Variants in XPNPEP2 observed in about 807,000 individuals in gnomAD.
XPNPEP2 encodes the protein X-prolyl aminopeptidase 2.
XPNPEP2 carries 64 observed loss-of-function variants against 59.8 expected under a neutral mutation model. The ratio of observed to expected loss-of-function variants is 1.07; its 90% CI spans 0.87 to 1.32. XPNPEP2 has a LOEUF of 1.32. Among genes scored for constraint, XPNPEP2 ranks in the 40% most tolerant of loss-of-function variants. The pLI, the probability that XPNPEP2 is intolerant of heterozygous loss-of-function variation, is 0.00. For missense variants in XPNPEP2, 575 were observed against 546.8 expected, an observed-to-expected ratio of 1.05 and a Z score of -0.51; for synonymous variants, 235 against 210.0, an observed-to-expected ratio of 1.12 and a Z score of -1.03.
chrX:129,746,529 C>A, intron 5 of XPNPEP2, 66 bp from the exon 6 acceptor site: 1 of 1,086,916 alleles, frequency 9.2e-7, no homozygotes, highest in Non-Finnish European at 1.3e-6. Context: ...AGACAGAACC[C>A]CTGGCTGGAG....
Position 129,739,066 on chromosome X carries a change from C to A in XPNPEP2, c.-148C>A. 1.7e-6 allele frequency: 1 copy of A among 576,728 alleles called. No homozygotes were observed. The highest frequency in any genetic ancestry group is 2.8e-6 in the Non-Finnish European group (1 of 357,003). 47.5% of individuals were successfully genotyped at this position (576,728 alleles called of 1,213,427 possible). ...CAAAAGACCAGAGAAGCACTCTCCA[C>A]CCAGCAGCCAGACGCCTCCTTCTTG... is the stretch of plus-strand genomic sequence containing the variant. On this transcript the variant is annotated 5_prime_UTR_variant, in exon 1 of 21. Transcript: ENST00000371106.
intron 15 of XPNPEP2, 82 bp from the exon 16 acceptor site, chrX:129,760,430 C>T (rs767446901): frequency 5.3e-5 from 55 of 1,030,471 alleles, no homozygotes; most frequent in South Asian, 2.7e-4. Context: ...GGCCCTGCAC[C>T]GTGTATCCAT....
chrX:129,768,528 C>A lies in XPNPEP2; in HGVS notation c.*43C>A. ...GTTAACCCTCCATCTAGATGGGGGG[C>A]TCCCTTGCTTAGCTCCCCTCACCCT... is the stretch of plus-strand genomic sequence containing the variant. On this transcript the variant is annotated 3_prime_UTR_variant, in exon 21 of 21. Coordinates refer to ENST00000371106, the MANE Select transcript of XPNPEP2 (RefSeq NM_003399.6). 9.4e-7 allele frequency: 1 copy of A among 1,068,613 alleles called. No homozygotes were observed. Among genetic ancestry groups the A allele is most frequent in the Admixed American group, 3.2e-5 (1 of 31,039 alleles). The allele number at this position is 1,068,613 out of a possible 1,213,427, so 88.1% of individuals were successfully genotyped here. A position where few individuals can be genotyped will look rare whatever the true frequency, so the allele number is the denominator to read the frequency against.
chrX:129,746,003 A>T (rs1376696179), intron 4 of XPNPEP2, among the ~76,000 whole-genome samples: 2 of 111,281 alleles, frequency 1.8e-5, no homozygotes, highest in Non-Finnish European at 3.8e-5. Flanking sequence ...CTGAAAGTCC[A>T]CAAGCAGCCC....
chrX:129,767,439 C>T (rs1926770646), intron 19 of XPNPEP2, among the ~76,000 whole-genome samples, 164 bp from the exon 20 acceptor site: 1 of 111,271 alleles, frequency 9.0e-6, no homozygotes, highest in African/African-American at 3.3e-5. Context: ...GGGGGCTGGC[C>T]AAGAGAAGGG....
intron 1 of XPNPEP2, 52 bp downstream of exon 1, chrX:129,739,314 A>C (rs1926130506): frequency 8.7e-7 from 1 of 1,154,992 alleles, no homozygotes; most frequent in South Asian, 1.8e-5. Context: ...CTCCCCTCTG[A>C]GCTCAGAAAG....
At chrX:129,741,508 G>C (rs868422520) in intron 1 of XPNPEP2, among the ~76,000 whole-genome samples, 1 of 112,099 alleles carries the variant, frequency 8.9e-6, no homozygotes. Context: ...GAATTGCTGC[G>C]TTCAGTATCT....
At chrX:129,763,963 G>A (rs187437080) in intron 19 of XPNPEP2, among the ~76,000 whole-genome samples, 24 of 110,237 alleles carry the variant, frequency 2.2e-4, no homozygotes, top group African/African-American at 7.6e-4. Context: ...AATTCCAGAT[G>A]GACCAAAGTT....
At chrX:129,765,904 C>T (rs890281942) in intron 19 of XPNPEP2, among the ~76,000 whole-genome samples, 5 of 111,839 alleles carry the variant, frequency 4.5e-5, no homozygotes, top group African/African-American at 1.6e-4. Flanking sequence ...TCCCAAAGTT[C>T]TGGATTACAG....
At chrX:129,755,252 A>G (rs780628316) in intron 12 of XPNPEP2, 42 bp from the exon 13 acceptor site, 1 of 1,161,019 alleles carries the variant, frequency 8.6e-7, no homozygotes, top group South Asian at 1.8e-5. Flanking sequence ...AGCCTAGTCC[A>G]GGGGCCCATT....
At position 129,742,172 on chromosome X, in the gene XPNPEP2, C is replaced by T; in HGVS notation, c.114C>T (p.Thr38=). The change falls in exon 2 of 21, where the codon ACC becomes ACT. Residue 38 remains threonine, a synonymous_variant. Coordinates refer to ENST00000371106, the MANE Select transcript of XPNPEP2 (RefSeq NM_003399.6). The stretch of plus-strand genomic sequence containing the variant: ...GGCAGGATGTGAGAAACTGTTCCAC[C>T]AACCCCCCTGTGAGTGCCCCCTGCC... ...LGGQDVRNCS[T]NPPYLPVTVV... The T allele has an allele frequency of 2.5e-6, 3 of 1,199,314 alleles. No individual in the cohort carries two copies. Among genetic ancestry groups the T allele is most frequent in the Non-Finnish European group, 3.4e-6 (3 of 888,598 alleles).
At chrX:129,744,876 G>C (rs994497723) in intron 3 of XPNPEP2, among the ~76,000 whole-genome samples, 1 of 112,279 alleles carries the variant, frequency 8.9e-6, no homozygotes, top group African/African-American at 3.2e-5. Context: ...CGAGCCAAAA[G>C]ACAGGACCCT....
In XPNPEP2 at chrX:129,747,590, C is replaced by T; in HGVS notation, c.491-17C>T. The stretch of plus-strand genomic sequence containing the variant: ...GTAAATGGGCAAGGGACAAGTGACT[C>T]CTTCTTGTCTCTGCAGACACCTGGG... On this transcript the variant is annotated splice_polypyrimidine_tract_variant and intron_variant, in intron 6 of 20. Transcript: ENST00000371106. 8.3e-7 allele frequency: 1 copy of T among 1,208,957 alleles called. No individual in the cohort carries two copies. Among genetic ancestry groups the T allele is most frequent in the Non-Finnish European group, 1.1e-6 (1 of 893,482 alleles).
At chrX:129,750,442 C>CT in intron 7 of XPNPEP2, 26 bp from the exon 8 acceptor site, 4 of 1,164,085 alleles carry the variant, frequency 3.4e-6, no homozygotes, top group Non-Finnish European at 4.6e-6. Context: ...GTCACTTACA[C>CT]TTTTTTGGGG....
rs775974433 is a variant in XPNPEP2, at chrX:129,761,024, A to G, written c.1499-148A>G. On this transcript the variant is annotated intron_variant, in intron 16 of 20. Transcript: ENST00000371106. ...CCATCCATCAGCCCTCCTCCATCCCAACCCAACATCATTGCATCAGTGCAT... is the reference window on the plus strand; with the variant it reads ...CCATCCATCAGCCCTCCTCCATCCCGACCCAACATCATTGCATCAGTGCAT... The G allele has an allele frequency of 7.9e-6, 4 of 505,580 alleles. No homozygotes were observed. In the South Asian group the frequency reaches 1.3e-4, roughly 16 times the overall value. 41.7% of individuals were successfully genotyped at this position (505,580 alleles called of 1,213,427 possible).
chrX:129,762,901 C>T (rs1926684451), intron 19 of XPNPEP2, 131 bp downstream of exon 19: 1 of 564,628 alleles, frequency 1.8e-6, no homozygotes, highest in African/African-American at 2.2e-5. Flanking sequence ...TATCTGGAGT[C>T]TTCCTTAGGA....
At chrX:129,739,527 C>T (rs748589754) in intron 1 of XPNPEP2, among the ~76,000 whole-genome samples, 4 of 111,925 alleles carry the variant, frequency 3.6e-5, no homozygotes, top group Admixed American at 2.8e-4. Context: ...TTAAGACTAC[C>T]GCATTGCAAT....
At chrX:129,752,898 G>A (rs1449791523) in intron 10 of XPNPEP2, among the ~76,000 whole-genome samples, 4 of 112,570 alleles carry the variant, frequency 3.6e-5, no homozygotes, top group Admixed American at 1.9e-4. Flanking sequence ...TCCGAAGACA[G>A]GGAGTTCATT....
At chrX:129,746,150 G>T in intron 4 of XPNPEP2, 86 bp from the exon 5 acceptor site, 1 of 798,419 alleles carries the variant, frequency 1.3e-6, no homozygotes, top group South Asian at 2.2e-5. Flanking sequence ...GGCATTCTCA[G>T]AGCCAGCACT....
Sources: gnomAD v4.1 joint callset for allele counts (sites outside exome capture counted in the v4.1 genomes callset) on GRCh38, gnomAD v4.1.1 for gene constraint, MANE v1.5 for transcripts, NCBI Gene and HGNC (gene_info 2026-07-23, HGNC 2026-07-21) for gene names.